Variants in ARSB observed in about 807,000 individuals in gnomAD.
ARSB encodes the protein arylsulfatase B.
Under a neutral mutation model 50.9 loss-of-function variants are expected in ARSB, and 41 were observed. The ratio of observed to expected loss-of-function variants is 0.81; its 90% CI spans 0.63 to 1.04. The LOEUF is 1.04. Ranked by LOEUF, ARSB falls within the 50% of genes least tolerant of loss-of-function variation. ARSB has a pLI of 0.00. For synonymous variants in ARSB, 269 were observed against 284.8 expected (o/e 0.94, Z 0.56); for missense variants, 672 against 693.3 (o/e 0.97, Z 0.35).
intron 4 of ARSB, among the ~76,000 whole-genome samples, chr5:78,939,804 G>A (rs1272878981): frequency 6.6e-6 from 1 of 151,528 alleles, no homozygotes; most frequent in East Asian, 1.9e-4. Context: ...CCCAGTAATG[G>A]GATGGCTGGG....
intron 2 of ARSB, 67 bp from the exon 3 acceptor site, chr5:78,964,673 C>A: frequency 6.9e-7 from 1 of 1,442,628 alleles, no homozygotes. Flanking sequence ...AATGTTTCAG[C>A]ATTTAATTGC....
At chr5:78,852,391 C>G (rs1745861267) in intron 5 of ARSB, among the ~76,000 whole-genome samples, 1 of 152,236 alleles carries the variant, frequency 6.6e-6, no homozygotes, top group African/African-American at 2.4e-5. Context: ...GGCCCCCACT[C>G]TCCTCTGGCT....
intron 4 of ARSB, among the ~76,000 whole-genome samples, chr5:78,887,156 A>T (rs1748074866): frequency 6.6e-6 from 1 of 152,220 alleles, no homozygotes; most frequent in African/African-American, 2.4e-5. Flanking sequence ...TAAAGAAAAC[A>T]GGTTTATTTG....
At chr5:78,875,079 C>T (rs149276192) in intron 5 of ARSB, among the ~76,000 whole-genome samples, 433 of 152,302 alleles carry the variant, frequency 2.8e-3, no homozygotes, top group Non-Finnish European at 4.5e-3. Context: ...CACCACTGCA[C>T]TCTAGCTTGG....
chr5:78,838,609 G>T (rs908568769), intron 6 of ARSB, among the ~76,000 whole-genome samples: 1 of 152,194 alleles, frequency 6.6e-6, no homozygotes, highest in African/African-American at 2.4e-5. Context: ...TGTGAATAAG[G>T]GAATATAAGG....
At chr5:78,812,139 T>C (rs140355389) in intron 6 of ARSB, among the ~76,000 whole-genome samples, 14 of 152,200 alleles carry the variant, frequency 9.2e-5, no homozygotes, top group Non-Finnish European at 1.8e-4. Context: ...CACAGGCAAA[T>C]CAACTTGGAA....
chr5:78,828,034 T>C (rs990648813), intron 6 of ARSB, among the ~76,000 whole-genome samples: 1 of 152,056 alleles, frequency 6.6e-6, no homozygotes, highest in Admixed American at 6.6e-5. Flanking sequence ...GTTTTAAAAA[T>C]TCTACAAACT....
At chr5:78,948,857 C>G (rs2112464020) in intron 4 of ARSB, among the ~76,000 whole-genome samples, 1 of 152,230 alleles carries the variant, frequency 6.6e-6, no homozygotes, top group South Asian at 2.1e-4. Context: ...CTCAGAGGTT[C>G]TCAAATTTCT....
At position 78,976,363 on chromosome 5, in the gene ARSB, T is replaced by G. The variant is rs1337728346; in HGVS notation, c.313-7171A>C. On this transcript the variant is annotated intron_variant, in intron 1 of 7. Transcript: ENST00000264914. ...GTGCAGTGGCACCATCCTGGCTCAC[T>G]GCAAACTCTGCCTCCCCAGGCTCAA... Among the ~76,000 whole-genome samples the G allele has an allele frequency of 2.1e-5, 3 of 140,972 alleles. No individual in the cohort carries two copies. The East Asian group carries it at 6.9e-4, about 32-fold the overall frequency. 92.5% of individuals were successfully genotyped at this position (140,972 alleles called of 152,430 possible). A position where few individuals can be genotyped will look rare whatever the true frequency, so the allele number is the denominator to read the frequency against.
chr5:78,921,160 T>C (rs959968965), intron 4 of ARSB, among the ~76,000 whole-genome samples: 2 of 152,148 alleles, frequency 1.3e-5, no homozygotes, highest in Admixed American at 6.5e-5. Flanking sequence ...ATCCCAGAGT[T>C]GTATCCTAGA....
intron 6 of ARSB, among the ~76,000 whole-genome samples, chr5:78,795,228 G>T (rs997364071): frequency 6.6e-6 from 1 of 152,170 alleles, no homozygotes; most frequent in Non-Finnish European, 1.5e-5. Context: ...CTATGCAGCT[G>T]CCCAGCAGAG....
chr5:78,868,749 A>C (rs1455455376), intron 5 of ARSB, among the ~76,000 whole-genome samples: 2 of 140,876 alleles, frequency 1.4e-5, no homozygotes, highest in African/African-American at 5.4e-5. Context: ...AAGAAACTGC[A>C]TCAACTAACG....
rs1345272774 is a variant in ARSB at position 78,779,926 on chromosome 5, G to C, written c.*471C>G. On this transcript the variant is annotated 3_prime_UTR_variant, in exon 8 of 8. Transcript: ENST00000264914. ...GAGGGGTGGTTCACTTGGAGTGCCT[G>C]AACATGATCCTTCACCGACAGGGAG... The C allele has an allele frequency of 1.9e-5, 4 of 212,008 alleles. No homozygotes were observed. The highest frequency in any genetic ancestry group is 9.3e-5 in the African/African-American group (4 of 43,016). 13.1% of individuals were successfully genotyped at this position (212,008 alleles called of 1,614,324 possible). A position where few individuals can be genotyped will look rare whatever the true frequency, so the allele number is the denominator to read the frequency against.
intron 5 of ARSB, among the ~76,000 whole-genome samples, chr5:78,841,960 C>T (rs1745235125): frequency 1.3e-5 from 2 of 152,096 alleles, no homozygotes; most frequent in Non-Finnish European, 2.9e-5. Flanking sequence ...GCCAAGAAAA[C>T]ACAATATATG....
chr5:78,854,152 C>G (rs978846649), intron 5 of ARSB, among the ~76,000 whole-genome samples: 2 of 152,234 alleles, frequency 1.3e-5, no homozygotes, highest in African/African-American at 4.8e-5. Context: ...TCTTCTGTGT[C>G]GCTCACGCTG....
At chr5:78,814,588 C>T (rs1743923339) in intron 6 of ARSB, among the ~76,000 whole-genome samples, 1 of 150,694 alleles carries the variant, frequency 6.6e-6, no homozygotes, top group South Asian at 2.1e-4. Context: ...TTCCTCTTCC[C>T]ACCTAATATG....
At chr5:78,911,919 C>T (rs1201033119) in intron 4 of ARSB, among the ~76,000 whole-genome samples, 1 of 152,082 alleles carries the variant, frequency 6.6e-6, no homozygotes, top group African/African-American at 2.4e-5. Flanking sequence ...TTTCTGTCTA[C>T]CATATTATTT....
intron 6 of ARSB, among the ~76,000 whole-genome samples, chr5:78,799,952 T>C (rs1478205353): frequency 1.3e-5 from 2 of 152,094 alleles, no homozygotes; most frequent in African/African-American, 4.8e-5. Flanking sequence ...GGATTGTGAA[T>C]GAAAAAGTGG....
intron 6 of ARSB, among the ~76,000 whole-genome samples, chr5:78,821,110 G>A (rs551163334): frequency 6.6e-6 from 1 of 152,262 alleles, no homozygotes; most frequent in South Asian, 2.1e-4. Context: ...CAGGGAATAA[G>A]GGTCATAGTG....
Sources: allele counts gnomAD v4.1 joint callset (sites outside exome capture counted in the v4.1 genomes callset), GRCh38; gene constraint gnomAD v4.1.1; transcripts MANE v1.5; gene names NCBI Gene and HGNC (gene_info 2026-07-23, HGNC 2026-07-21).